Variants in DCAF1 observed in about 807,000 individuals in gnomAD.
DCAF1 encodes DDB1- and CUL4-associated factor 1.
DCAF1 carries 15 observed loss-of-function variants against 128.0 expected under a neutral mutation model. The ratio of observed to expected loss-of-function variants is 0.12; its 90% CI spans 0.08 to 0.18. The LOEUF is 0.18. Ranked by LOEUF, DCAF1 falls within the 10% of genes least tolerant of loss-of-function variation. DCAF1 has a pLI of 1.00. For synonymous variants in DCAF1, 610 were observed against 603.0 expected (o/e 1.01, Z -0.17); for missense variants, 988 against 1,649.5 (o/e 0.60, Z 6.95).
At chr3:51,407,983 TC>T (rs1382442592) in intron 23 of DCAF1, among the ~76,000 whole-genome samples, 1 of 2,968 alleles carries the variant, frequency 3.4e-4, no homozygotes. Context: ...AGACTCCATC[TC>T]AAAAAAAAAA....
chr3:51,408,305 C>T (rs1224066907), intron 23 of DCAF1, among the ~76,000 whole-genome samples: 2 of 152,158 alleles, frequency 1.3e-5, no homozygotes, highest in Non-Finnish European at 2.9e-5. Flanking sequence ...TATTAGATGA[C>T]GGCTGACCAT....
chr3:51,408,993 G>A (rs141703680), intron 23 of DCAF1, among the ~76,000 whole-genome samples: 74 of 152,226 alleles, frequency 4.9e-4, no homozygotes, highest in Middle Eastern at 3.4e-3. Flanking sequence ...CTACAGGCTG[G>A]GCTCCAGAGC....
intron 6 of DCAF1, among the ~76,000 whole-genome samples, chr3:51,451,008 C>T (rs1219750251): frequency 7.8e-6 from 1 of 128,500 alleles, no homozygotes; most frequent in Non-Finnish European, 1.6e-5. Flanking sequence ...GATACAAAAT[C>T]AACATACAAA....
Position 51,398,975 on chromosome 3 carries a change from T to A in DCAF1, c.4466-148A>T, listed in dbSNP as rs144927462. ...GAAGAAAACACATCAATTAACTCCT[T>A]GGAGCTGGCTCTGGAGAATACTCCT... On this transcript the variant is annotated intron_variant, in intron 24 of 24. Transcript: ENST00000684031. 396 of 1,025,818 alleles carry A rather than the reference T, an allele frequency of 3.9e-4. 3 individuals are homozygous for A. In the East Asian group the frequency reaches 9.8e-3, roughly 25 times the overall value. The allele number at this position is 1,025,818 out of a possible 1,614,324, so 63.5% of individuals were successfully genotyped here. A position where few individuals can be genotyped will look rare whatever the true frequency, so the allele number is the denominator to read the frequency against.
intron 3 of DCAF1, among the ~76,000 whole-genome samples, chr3:51,471,583 T>C (rs1286215068): frequency 6.6e-6 from 1 of 152,046 alleles, no homozygotes; most frequent in African/African-American, 2.4e-5. Flanking sequence ...ATCTTCCTTT[T>C]CTTGCTGGGC....
chr3:51,426,270 C>T (rs367863838), intron 13 of DCAF1, among the ~76,000 whole-genome samples: 39 of 151,916 alleles, frequency 2.6e-4, no homozygotes, highest in Non-Finnish European at 4.4e-4. Context: ...AGTACAGTGG[C>T]GTGATCTCAG....
chr3:51,398,612 T>C lies in DCAF1; in HGVS notation c.*157A>G, dbSNP rs989788700. ...TATTGATTCTGGAAGGACCCTCGGG[T>C]GCCAATGAGGCTCTCTAAGCCATAA... On this transcript the variant is annotated 3_prime_UTR_variant, in exon 25 of 25. Transcript: ENST00000684031. The C allele has an allele frequency of 6.1e-5, 57 of 927,166 alleles. No individual in the cohort carries two copies. The highest frequency in any genetic ancestry group is 8.3e-5 in the African/African-American group (5 of 60,146). The allele number at this position is 927,166 out of a possible 1,614,324, so 57.4% of individuals were successfully genotyped here. A position where few individuals can be genotyped will look rare whatever the true frequency, so the allele number is the denominator to read the frequency against.
At chr3:51,459,827 T>C (rs1389757630) in intron 6 of DCAF1, among the ~76,000 whole-genome samples, 2 of 152,154 alleles carry the variant, frequency 1.3e-5, no homozygotes, top group African/African-American at 4.8e-5. Flanking sequence ...TCTCAATAGA[T>C]GCAGAAACGG....
intron 2 of DCAF1, among the ~76,000 whole-genome samples, chr3:51,494,114 C>CTT (rs1285822599): frequency 4.4e-5 from 6 of 137,682 alleles, no homozygotes; most frequent in Non-Finnish European, 4.8e-5. Flanking sequence ...ATGAGGTTTC[C>CTT]TTTTTTTTTT....
chr3:51,408,007 A>AAAAC (rs1329585381), intron 23 of DCAF1, among the ~76,000 whole-genome samples: 29 of 150,120 alleles, frequency 1.9e-4, no homozygotes, highest in Non-Finnish European at 4.3e-4. Flanking sequence ...AAAAAAAAAA[A>AAAAC]AACAACCAGA....
intron 4 of DCAF1, among the ~76,000 whole-genome samples, chr3:51,469,770 C>G (rs1704529770): frequency 6.6e-6 from 1 of 152,042 alleles, no homozygotes; most frequent in African/African-American, 2.4e-5. Context: ...CCTGTAATCC[C>G]AGCACTTTGG....
intron 24 of DCAF1, among the ~76,000 whole-genome samples, chr3:51,400,307 A>G (rs1051665916): frequency 3.9e-5 from 6 of 152,186 alleles, no homozygotes; most frequent in African/African-American, 1.2e-4. Flanking sequence ...AGCCAAGTCC[A>G]GCACTGTGTC....
At chr3:51,502,675 G>C (rs1051265635), upstream of DCAF1, among the ~76,000 whole-genome samples, 1 of 151,976 alleles carries the variant, frequency 6.6e-6, no homozygotes, top group South Asian at 2.1e-4. Flanking sequence ...TAGGAGGCAG[G>C]GGAAGCAGGG....
At chr3:51,501,731 C>T (rs1210872590), upstream of DCAF1, among the ~76,000 whole-genome samples, 2 of 152,166 alleles carry the variant, frequency 1.3e-5, no homozygotes, top group Non-Finnish European at 2.9e-5. Flanking sequence ...GGGAGCGCCA[C>T]AGACATGTCA....
At chr3:51,400,807 G>A (rs9828325) in intron 24 of DCAF1, among the ~76,000 whole-genome samples, 1,702 of 152,078 alleles carry the variant, frequency 0.011, 43 homozygotes, top group African/African-American at 0.038. Flanking sequence ...TACAGGTTCT[G>A]GAGGCAGGGC....
At chr3:51,437,000 C>T (rs577274431) in intron 9 of DCAF1, among the ~76,000 whole-genome samples, 39 of 152,122 alleles carry the variant, frequency 2.6e-4, no homozygotes, top group African/African-American at 8.7e-4. Flanking sequence ...CAGCGGCTCA[C>T]GCCTTTAATC....
intron 23 of DCAF1, among the ~76,000 whole-genome samples, chr3:51,409,165 AAAG>A (rs1288961882): frequency 1.3e-5 from 2 of 152,210 alleles, no homozygotes; most frequent in African/African-American, 2.4e-5. Flanking sequence ...AAGCAGGACA[AAAG>A]AAGAAGAATT....
Position 51,420,226 on chromosome 3 carries a change from C to T in DCAF1, c.2744G>A (p.Ser915Asn). The T allele has an allele frequency of 1.2e-6, 2 of 1,614,006 alleles. No homozygotes were observed. The highest frequency in any genetic ancestry group is 1.7e-6 in the Non-Finnish European group (2 of 1,179,904). The part of the protein sequence containing the change: ...IANGIATRLG[S>N]HAAVGASAPS... ...CGCAGAGGCACCCACAGCAGCATGG[C>T]TGCCCAGACGAGTTGCAATGCCATT... Residue 915 changes from serine to asparagine, a missense_variant, in exon 15 of 25, where the codon AGC becomes AAC. By Grantham distance (46) the Ser-to-Asn change is conservative. Coordinates refer to ENST00000684031, the MANE Select transcript of DCAF1 (RefSeq NM_001387579.1). The surrounding 1 kb of genome is among the most constrained non-coding windows in gnomAD (Gnocchi z 6.5).
Position 51,484,682 on chromosome 3 carries a change from C to CTT in DCAF1, c.-8-848_-8-847dup, listed in dbSNP as rs1228009412. ...ATGGCACACTCCTGTTTAATTTTTTCTTTTTTTTTTTTTTTTTTGAGATGG... is the reference window on the plus strand; with the variant it reads ...ATGGCACACTCCTGTTTAATTTTTTCTTTTTTTTTTTTTTTTTTTTGAGATGG... On this transcript the variant is annotated intron_variant, in intron 2 of 24. Transcript: ENST00000684031. 6.0e-4 allele frequency among the ~76,000 whole-genome samples: 76 copies of CTT among 127,044 alleles called. 1 individual carries two copies. The highest frequency in any genetic ancestry group is 3.8e-3 in the East Asian group (15 of 3,980). 83.3% of individuals were successfully genotyped at this position (127,044 alleles called of 152,430 possible).
Sources: gnomAD v4.1 joint callset for allele counts (sites outside exome capture counted in the v4.1 genomes callset) on GRCh38, gnomAD v4.1.1 for gene constraint, Gnocchi (gnomAD v3.1) non-coding constraint, MANE v1.5 for transcripts, NCBI Gene and HGNC (gene_info 2026-07-23, HGNC 2026-07-21) for gene names.